Variants in CAMSAP1 observed in about 807,000 individuals in gnomAD.
The protein encoded by CAMSAP1 is calmodulin-regulated spectrin-associated protein 1.
A neutral mutation model predicts 143.5 loss-of-function variants in CAMSAP1; 58 were observed. The ratio of observed to expected loss-of-function variants is 0.40; its 90% CI spans 0.33 to 0.50. CAMSAP1 has a LOEUF of 0.50. Ranked by LOEUF, CAMSAP1 falls within the 20% of genes least tolerant of loss-of-function variation. CAMSAP1 has a pLI of 0.45. For missense variants in CAMSAP1, 1,969 were observed against 2,115.7 expected (o/e 0.93, Z 1.36); for synonymous variants, 945 against 859.3 (o/e 1.10, Z -1.74).
At chr9:135,871,491 A>T (rs541286044) in intron 3 of CAMSAP1, among the ~76,000 whole-genome samples, 2 of 152,218 alleles carry the variant, frequency 1.3e-5, no homozygotes, top group Non-Finnish European at 2.9e-5. Context: ...AGCCCCTTCT[A>T]ATTTGTTTTG....
intron 1 of CAMSAP1, among the ~76,000 whole-genome samples, chr9:135,906,084 G>A (rs556819355): frequency 1.1e-3 from 172 of 152,320 alleles, no homozygotes; most frequent in Admixed American, 2.9e-3. Context: ...CTTACAAAAC[G>A]CGTTTGTCCT....
chr9:135,848,081 G>C (rs557903624), intron 7 of CAMSAP1, among the ~76,000 whole-genome samples: 2 of 151,616 alleles, frequency 1.3e-5, no homozygotes, highest in African/African-American at 4.8e-5. Context: ...AAACGAATCT[G>C]AAAACAGGAG....
chr9:135,836,412 C>T (rs13286488), intron 7 of CAMSAP1: 27,014 of 982,524 alleles, frequency 0.027, 410 homozygotes, highest in Non-Finnish European at 0.03. Context: ...TTTTCTACTC[C>T]GTTCTACAGA....
In CAMSAP1 at chr9:135,822,871, G is replaced by A. The variant is rs1396322495; in HGVS notation, c.1790C>T (p.Pro597Leu). ...PDSFFLEPLM[P>L]AVLKPAKEKQ... ...CTCTTTCGCTGGCTTAAGAACTGCT[G>A]GCATCAAAGGCTCCAAGAAAAAACT... is the stretch of plus-strand genomic sequence containing the variant. The change falls in exon 11 of 17, where the codon CCA (proline) becomes CTA (leucine). Residue 597 changes from proline to leucine, a missense_variant. This residue lies in a region of CAMSAP1 where 1,390 missense variants were observed against 1,420.8 expected (regional missense o/e 0.98). Coordinates refer to ENST00000389532, the MANE Select transcript of CAMSAP1 (RefSeq NM_015447.4). The surrounding 1 kb of genome is among the most constrained non-coding windows in gnomAD (Gnocchi z 6.1). The A allele has an allele frequency of 3.7e-6, 6 of 1,613,802 alleles. No individual in the cohort carries two copies. Among genetic ancestry groups the A allele is most frequent in the African/African-American group, 1.3e-5 (1 of 74,906 alleles).
At chr9:135,851,233 T>C (rs753584362) in intron 5 of CAMSAP1, among the ~76,000 whole-genome samples, 2 of 152,194 alleles carry the variant, frequency 1.3e-5, no homozygotes, top group Non-Finnish European at 2.9e-5. Context: ...TGTAAATATA[T>C]ACATAGAGAA....
chr9:135,836,569 A>C lies in CAMSAP1; in HGVS notation c.1046-8985T>G, dbSNP rs1836050789. ...CTTCTACCCCGTTCTACAGACACACATCACCACACACTTTCTACCCATTCT... is the reference window on the plus strand; with the variant it reads ...CTTCTACCCCGTTCTACAGACACACCTCACCACACACTTTCTACCCATTCT... On this transcript the variant is annotated intron_variant, in intron 7 of 16. Coordinates refer to ENST00000389532, the MANE Select transcript of CAMSAP1 (RefSeq NM_015447.4). 1.0e-5 allele frequency: 10 copies of C among 973,516 alleles called. No individual in the cohort carries two copies. The South Asian group carries it at 4.3e-4, about 42-fold the overall frequency. The allele number at this position is 973,516 out of a possible 1,614,324, so 60.3% of individuals were successfully genotyped here.
Position 135,819,058 on chromosome 9 carries a change from C to T in CAMSAP1, c.3911G>A (p.Arg1304His). Residue 1304 changes from arginine to histidine, a missense_variant, in exon 12 of 17, where the codon CGC (arginine) becomes CAC (histidine). Arg to His is a conservative substitution (Grantham distance 29). Around this residue, in one of 4 missense-constraint regions of CAMSAP1, gnomAD observed 1,390 missense variants for 1,420.8 expected, o/e 0.98. Coordinates refer to ENST00000389532, the MANE Select transcript of CAMSAP1 (RefSeq NM_015447.4). ...QQRKAEEARV[R>H]KQQLEAEVEL... ...CACCTCCGCTTCCAGCTGCTGCTTG[C>T]GCACGCGGGCCTCCTCGGCCTTGCG... is the stretch of plus-strand genomic sequence containing the variant. 3 of 1,605,868 alleles carry T rather than the reference C, an allele frequency of 1.9e-6. No homozygotes were observed. Among genetic ancestry groups the T allele is most frequent in the Non-Finnish European group, 2.5e-6 (3 of 1,178,006 alleles).
At chr9:135,832,913 T>C (rs1835900073) in intron 7 of CAMSAP1, among the ~76,000 whole-genome samples, 1 of 152,124 alleles carries the variant, frequency 6.6e-6, no homozygotes, top group Non-Finnish European at 1.5e-5. Context: ...AGATATCCCA[T>C]ATTCACGGAT....
chr9:135,831,885 A>G lies in CAMSAP1; in HGVS notation c.1046-4301T>C, dbSNP rs115330237. ...ATCTCTAGAAATATACAATCTATGAAGACTGAACAAAGAAGATATCTAAAG... is the reference window on the plus strand; with the variant it reads ...ATCTCTAGAAATATACAATCTATGAGGACTGAACAAAGAAGATATCTAAAG... On this transcript the variant is annotated intron_variant, in intron 7 of 16. Transcript: ENST00000389532. 1.7e-3 allele frequency among the ~76,000 whole-genome samples: 260 copies of G among 152,344 alleles called. 1 individual carries two copies. Among genetic ancestry groups the G allele is most frequent in the African/African-American group, 6.0e-3 (250 of 41,590 alleles).
intron 3 of CAMSAP1, among the ~76,000 whole-genome samples, chr9:135,876,128 T>G (rs2130968221): frequency 6.6e-6 from 1 of 152,286 alleles, no homozygotes; most frequent in Admixed American, 6.5e-5. Context: ...ATTTTTGTAT[T>G]TTCAGTAGAG....
intron 5 of CAMSAP1, among the ~76,000 whole-genome samples, chr9:135,856,336 C>T (rs1417460018): frequency 2.0e-5 from 3 of 152,178 alleles, no homozygotes; most frequent in Non-Finnish European, 4.4e-5. Context: ...ATTAAACCAT[C>T]AGATCTCATG....
At chr9:135,815,014 G>T in intron 16 of CAMSAP1, 83 bp downstream of exon 16, 1 of 948,404 alleles carries the variant, frequency 1.1e-6, no homozygotes, top group Non-Finnish European at 1.6e-6. Flanking sequence ...CAAAGATTAG[G>T]GGTGTTTTCT....
intron 1 of CAMSAP1, among the ~76,000 whole-genome samples, chr9:135,904,888 C>T (rs1838726434): frequency 6.6e-6 from 1 of 152,092 alleles, no homozygotes; most frequent in African/African-American, 2.4e-5. Flanking sequence ...TCGCTTGAAC[C>T]CAGGAGGTGG....
chr9:135,897,736 A>G (rs1414795826), intron 1 of CAMSAP1, among the ~76,000 whole-genome samples: 2 of 152,166 alleles, frequency 1.3e-5, no homozygotes, highest in Admixed American at 1.3e-4. Flanking sequence ...GGACAAAGGG[A>G]TAAGTCACGT....
chr9:135,874,504 G>C (rs1837673420), intron 3 of CAMSAP1, among the ~76,000 whole-genome samples: 1 of 150,202 alleles, frequency 6.7e-6, no homozygotes, highest in Non-Finnish European at 1.5e-5. Context: ...CAGGGGCCGG[G>C]AACTCCTAAT....
At chr9:135,878,285 G>A (rs1837819138) in intron 3 of CAMSAP1, among the ~76,000 whole-genome samples, 1 of 152,140 alleles carries the variant, frequency 6.6e-6, no homozygotes, top group African/African-American at 2.4e-5. Context: ...ATGCAGGCAG[G>A]GGCAGGACAG....
intron 5 of CAMSAP1, among the ~76,000 whole-genome samples, chr9:135,850,854 A>G (rs1487564521): frequency 2.0e-5 from 3 of 152,230 alleles, no homozygotes; most frequent in African/African-American, 7.2e-5. Context: ...CCGTGTTTGT[A>G]AAGGGCAGGG....
At chr9:135,848,376 C>T (rs1458406715) in intron 7 of CAMSAP1, among the ~76,000 whole-genome samples, 3 of 152,032 alleles carry the variant, frequency 2.0e-5, no homozygotes, top group Non-Finnish European at 2.9e-5. Flanking sequence ...CTGCATAAAA[C>T]GTACATAGAG....
rs1013409825 is a variant in CAMSAP1 at position 135,881,807 on chromosome 9, G to A, written c.424-13C>T. The A allele has an allele frequency of 3.9e-6, 6 of 1,551,658 alleles. No individual in the cohort carries two copies. Among genetic ancestry groups the A allele is most frequent in the Non-Finnish European group, 5.2e-6 (6 of 1,146,926 alleles). ...CCATGTGGGCACTCTAGGGGCAGAG[G>A]CAGCAGCTATAATCCCTCAAACCCA... is the stretch of plus-strand genomic sequence containing the variant. On this transcript the variant is annotated splice_polypyrimidine_tract_variant and intron_variant, in intron 2 of 16. Coordinates refer to ENST00000389532, the MANE Select transcript of CAMSAP1 (RefSeq NM_015447.4).
Sources: allele counts gnomAD v4.1 joint callset (sites outside exome capture counted in the v4.1 genomes callset), GRCh38; gene constraint gnomAD v4.1.1; regional missense constraint gnomAD v4.1.1; non-coding constraint Gnocchi (gnomAD v3.1); transcripts MANE v1.5; gene names NCBI Gene and HGNC (gene_info 2026-07-23, HGNC 2026-07-21).